Variants in PANX1 observed in about 807,000 individuals in gnomAD.
The protein encoded by PANX1 is pannexin 1, also known as pannexin-1.
PANX1 carries 30 observed loss-of-function variants against 38.7 expected under a neutral mutation model. The ratio of observed to expected loss-of-function variants is 0.78; its 90% CI spans 0.58 to 1.05. PANX1 has a LOEUF of 1.05. PANX1 is among the 50% of genes least tolerant of loss of function. The pLI is 0.00. For synonymous variants in PANX1, 230 were observed against 212.2 expected, an observed-to-expected ratio of 1.08 and a Z score of -0.73; for missense variants, 551 against 517.2, an observed-to-expected ratio of 1.07 and a Z score of -0.63.
chr11:94,130,965 G>A (rs1002091710), intron 1 of PANX1, among the ~76,000 whole-genome samples: 1 of 152,244 alleles, frequency 6.6e-6, no homozygotes, highest in Non-Finnish European at 1.5e-5. Flanking sequence ...TCTTTGCGCA[G>A]GCATAGTCAT....
At chr11:94,166,232 GTACT>G (rs901801257) in intron 2 of PANX1, among the ~76,000 whole-genome samples, 2 of 152,146 alleles carry the variant, frequency 1.3e-5, no homozygotes, top group Non-Finnish European at 2.9e-5. Context: ...ATTTGTCTGT[GTACT>G]TACTTTTACC....
Position 94,181,200 on chromosome 11 carries a change from C to A in PANX1, c.*331C>A. 4.3e-6 allele frequency: 1 copy of A among 231,420 alleles called. No homozygotes were observed. 14.3% of individuals were successfully genotyped at this position (231,420 alleles called of 1,614,324 possible). The stretch of plus-strand genomic sequence containing the variant: ...GCCTCGGAGCAATACCTTTCTGTAC[C>A]CGTGGTGAGACAAGACCCAGAGCTA... On this transcript the variant is annotated 3_prime_UTR_variant, in exon 5 of 5. Coordinates refer to ENST00000227638, the MANE Select transcript of PANX1 (RefSeq NM_015368.4).
At chr11:94,159,865 A>G (rs1313666782) in intron 2 of PANX1, among the ~76,000 whole-genome samples, 2 of 151,418 alleles carry the variant, frequency 1.3e-5, no homozygotes, top group Non-Finnish European at 2.9e-5. Context: ...GTGGGCATTT[A>G]GTGCTCTAAA....
At chr11:94,134,834 C>T (rs566922920) in intron 1 of PANX1, among the ~76,000 whole-genome samples, 17 of 152,300 alleles carry the variant, frequency 1.1e-4, no homozygotes, top group African/African-American at 4.1e-4. Context: ...ACCGAATCTG[C>T]TGGTACCTTG....
At position 94,181,797 on chromosome 11, in the gene PANX1, A is replaced by T. The variant is rs1413070818; in HGVS notation, c.*928A>T. The T allele has an allele frequency of 6.6e-6, 1 of 152,210 alleles. No individual in the cohort carries two copies. Among genetic ancestry groups the T allele is most frequent in the Non-Finnish European group, 1.5e-5 (1 of 68,038 alleles). 9.4% of individuals were successfully genotyped at this position (152,210 alleles called of 1,614,324 possible). ...CACATAAGTGACATTGGCATGCTTC[A>T]TATGGCGTGCTTGGAGCCAGAAAAA... On this transcript the variant is annotated 3_prime_UTR_variant, in exon 5 of 5. Coordinates refer to ENST00000227638, the MANE Select transcript of PANX1 (RefSeq NM_015368.4).
chr11:94,168,671 T>C (rs2134513722), intron 2 of PANX1, among the ~76,000 whole-genome samples: 1 of 151,540 alleles, frequency 6.6e-6, no homozygotes, highest in Admixed American at 6.5e-5. Flanking sequence ...TTTTTGTCAT[T>C]GCAGATCACA....
At chr11:94,130,884 C>A (rs1403228796) in intron 1 of PANX1, among the ~76,000 whole-genome samples, 1 of 152,198 alleles carries the variant, frequency 6.6e-6, no homozygotes, top group Non-Finnish European at 1.5e-5. Flanking sequence ...TTGCAATCTG[C>A]AGCACTAAGT....
chr11:94,177,507 G>A (rs1481123375), intron 2 of PANX1, among the ~76,000 whole-genome samples: 1 of 152,184 alleles, frequency 6.6e-6, no homozygotes, highest in Non-Finnish European at 1.5e-5. Flanking sequence ...GTTCTGCAGA[G>A]TAGACATGAT....
chr11:94,145,545 C>T (rs1946819004), intron 1 of PANX1, among the ~76,000 whole-genome samples: 2 of 152,182 alleles, frequency 1.3e-5, no homozygotes, highest in Non-Finnish European at 2.9e-5. Context: ...CAATCTTTGG[C>T]CTGTACCAGG....
intron 1 of PANX1, among the ~76,000 whole-genome samples, chr11:94,141,700 A>G (rs4753544): frequency 0.53 from 80,130 of 152,006 alleles, 21,955 homozygotes; most frequent in African/African-American, 0.67. Flanking sequence ...AATGTGAATA[A>G]TGATTAAGGC....
intron 2 of PANX1, among the ~76,000 whole-genome samples, chr11:94,157,174 G>A (rs1946960545): frequency 6.6e-6 from 1 of 152,028 alleles, no homozygotes; most frequent in Admixed American, 6.6e-5. Flanking sequence ...TGTGAATAGT[G>A]CCACAATAAA....
At chr11:94,129,598 G>A (rs1946601865) in intron 1 of PANX1, 105 bp downstream of exon 1, 4 of 1,047,848 alleles carry the variant, frequency 3.8e-6, no homozygotes, top group Middle Eastern at 5.3e-4. Context: ...AGCTGTGATG[G>A]TCGTGAGCGT....
intron 1 of PANX1, among the ~76,000 whole-genome samples, chr11:94,147,592 C>G (rs73512246): frequency 0.055 from 8,420 of 152,202 alleles, 801 homozygotes; most frequent in African/African-American, 0.19. Context: ...GCCCAGCCTC[C>G]TTCTCGTTTC....
chr11:94,177,001 C>T (rs1265555991), intron 2 of PANX1, among the ~76,000 whole-genome samples: 1 of 151,760 alleles, frequency 6.6e-6, no homozygotes, highest in Non-Finnish European at 1.5e-5. Context: ...AGTGCCTGTT[C>T]TATGCCAGGC....
At chr11:94,142,321 A>T (rs7948455) in intron 1 of PANX1, among the ~76,000 whole-genome samples, 25,965 of 152,054 alleles carry the variant, frequency 0.17, 2,458 homozygotes, top group African/African-American at 0.28. Flanking sequence ...TGTATGGATT[A>T]TAGTACCACT....
At chr11:94,137,949 G>A (rs1946720613) in intron 1 of PANX1, among the ~76,000 whole-genome samples, 1 of 135,548 alleles carries the variant, frequency 7.4e-6, no homozygotes, top group Non-Finnish European at 1.6e-5. Context: ...GCAGTGACAT[G>A]GAATGTTGTG....
chr11:94,130,248 G>A (rs1946612558), intron 1 of PANX1, among the ~76,000 whole-genome samples: 1 of 152,194 alleles, frequency 6.6e-6, no homozygotes, highest in Admixed American at 6.5e-5. Context: ...GTTAAATACA[G>A]TTCTGTGGCA....
At chr11:94,130,717 T>C (rs1946620207) in intron 1 of PANX1, among the ~76,000 whole-genome samples, 1 of 152,100 alleles carries the variant, frequency 6.6e-6, no homozygotes, top group Admixed American at 6.5e-5. Context: ...TAAGCAGCAC[T>C]TGAGTACCTA....
rs138286589 is a variant in PANX1 at position 94,178,068 on chromosome 11, C to T, written c.322-301C>T. Among the ~76,000 whole-genome samples the T allele has an allele frequency of 3.2e-3, 480 of 148,206 alleles. 10 individuals are homozygous for T. The highest frequency in any genetic ancestry group is 5.4e-3 in the Non-Finnish European group (352 of 65,236). On this transcript the variant is annotated intron_variant, in intron 2 of 4. Transcript: ENST00000227638. ...CTTAACTGGGATTTTGTTCAGGGAA[C>T]GGGAGTAATTTTATTTTTTTATTTT...
Sources: gnomAD v4.1 joint callset for allele counts (sites outside exome capture counted in the v4.1 genomes callset) on GRCh38, gnomAD v4.1.1 for gene constraint, MANE v1.5 for transcripts, NCBI Gene and HGNC (gene_info 2026-07-23, HGNC 2026-07-21) for gene names.